TENM2: variants seen among roughly 807,000 people sequenced by gnomAD.
TENM2 encodes the protein teneurin-2.
A neutral mutation model predicts 245.2 loss-of-function variants in TENM2; 52 were observed. The ratio of observed to expected loss-of-function variants is 0.21; its 90% CI spans 0.17 to 0.27. TENM2 has a LOEUF of 0.27. Ranked by LOEUF, TENM2 falls within the 10% of genes least tolerant of loss-of-function variation. The pLI is 1.00. For synonymous variants in TENM2, 1,363 were observed against 1,438.9 expected, an observed-to-expected ratio of 0.95 and a Z score of 1.19; for missense variants, 3,046 against 3,666.8, an observed-to-expected ratio of 0.83 and a Z score of 4.37.
At position 167,876,264 on chromosome 5, in the gene TENM2, T is replaced by C. The variant is rs2151383753; in HGVS notation, c.712+69T>C. ...TGACATTCTTGATTCTCCACCAAAA[T>C]GACAATGCTGAAACAAGGGCTGGGG... On this transcript the variant is annotated intron_variant, in intron 3 of 28. Transcript: ENST00000518659. The C allele has an allele frequency of 2.3e-6, 3 of 1,314,278 alleles. No individual in the cohort carries two copies. The South Asian group carries it at 3.8e-5, about 17-fold the overall frequency. 81.4% of individuals were successfully genotyped at this position (1,314,278 alleles called of 1,614,324 possible). A position where few individuals can be genotyped will look rare whatever the true frequency, so the allele number is the denominator to read the frequency against.
At chr5:167,614,437 C>G (rs952188001) in intron 2 of TENM2, among the ~76,000 whole-genome samples, 1 of 152,048 alleles carries the variant, frequency 6.6e-6, no homozygotes, top group Non-Finnish European at 1.5e-5. Flanking sequence ...TAGTAATATA[C>G]GAAGACAGCC....
At chr5:166,983,833 T>C in the TENM2 span, among the ~76,000 whole-genome samples, 1 of 152,116 alleles carries the variant, frequency 6.6e-6, no homozygotes, top group African/African-American at 2.4e-5. Context: ...TGGATATTTG[T>C]TTAGATGACC....
At chr5:167,496,169 G>A (rs1768802847) in intron 2 of TENM2, among the ~76,000 whole-genome samples, 1 of 152,052 alleles carries the variant, frequency 6.6e-6, no homozygotes, top group African/African-American at 2.4e-5. Context: ...TAATTTGGAT[G>A]TGATTCATTT....
At chr5:167,268,716 A>G in the TENM2 span, among the ~76,000 whole-genome samples, 1 of 152,164 alleles carries the variant, frequency 6.6e-6, no homozygotes, top group Non-Finnish European at 1.5e-5. Context: ...TTTCTGTATT[A>G]TCTATTACTG....
chr5:167,590,866 T>G (rs1177687586), intron 2 of TENM2, among the ~76,000 whole-genome samples: 1 of 152,214 alleles, frequency 6.6e-6, no homozygotes, highest in Non-Finnish European at 1.5e-5. Context: ...ACCTATGTAT[T>G]TGCATACAAT....
At chr5:167,350,193 A>G (rs892324794) in intron 1 of TENM2, among the ~76,000 whole-genome samples, 4 of 152,098 alleles carry the variant, frequency 2.6e-5, no homozygotes, top group Non-Finnish European at 5.9e-5. Context: ...CCCTTGGGTC[A>G]CTTAATTTCC....
intron 2 of TENM2, among the ~76,000 whole-genome samples, chr5:167,786,867 T>C (rs1400302481): frequency 1.3e-5 from 2 of 152,208 alleles, no homozygotes; most frequent in South Asian, 4.1e-4. Context: ...TGGGAATTAA[T>C]ACAACTTTCT....
At chr5:167,336,639 A>G (rs1757772359) in intron 1 of TENM2, among the ~76,000 whole-genome samples, 1 of 152,076 alleles carries the variant, frequency 6.6e-6, no homozygotes, top group African/African-American at 2.4e-5. Context: ...AAATGCCAGC[A>G]TATCAAAACT....
chr5:167,570,459 A>T (rs1216061207), intron 2 of TENM2, among the ~76,000 whole-genome samples: 1 of 152,140 alleles, frequency 6.6e-6, no homozygotes, highest in Non-Finnish European at 1.5e-5. Context: ...GAAGTGTCAC[A>T]ATGAACAAGG....
chr5:167,415,168 G>T (rs10062352), intron 2 of TENM2, among the ~76,000 whole-genome samples: 2 of 151,926 alleles, frequency 1.3e-5, no homozygotes, highest in East Asian at 3.9e-4. Flanking sequence ...GCCACAGGAA[G>T]ATTTCTGTCT....
chr5:167,255,028 A>G, the TENM2 span, among the ~76,000 whole-genome samples: 367 of 151,600 alleles, frequency 2.4e-3, 1 homozygote, highest in African/African-American at 8.5e-3. Context: ...CATAAATGTG[A>G]TAAGAAACCA....
intron 2 of TENM2, among the ~76,000 whole-genome samples, chr5:167,443,862 A>G (rs1169276641): frequency 6.6e-6 from 1 of 152,142 alleles, no homozygotes; most frequent in Non-Finnish European, 1.5e-5. Flanking sequence ...AAAGACAGTT[A>G]AATTATGGTT....
At chr5:168,229,715 T>G (rs1764663833) in intron 25 of TENM2, 1 of 152,172 alleles carries the variant, frequency 6.6e-6, no homozygotes, top group East Asian at 1.9e-4. Flanking sequence ...CCAGGTGACC[T>G]CCCTGCAGAG....
At chr5:168,215,246 T>C (rs1426633326) in exon 21 of TENM2, 3 of 1,613,728 alleles carry the variant, frequency 1.9e-6, no homozygotes, top group Non-Finnish European at 2.5e-6. Flanking sequence ...GGGAAGGCCA[T>C]AGATGCAACC....
chr5:167,964,698 G>A (rs115168196), intron 4 of TENM2, among the ~76,000 whole-genome samples: 1 of 152,302 alleles, frequency 6.6e-6, no homozygotes, highest in African/African-American at 2.4e-5. Flanking sequence ...TTAAGGATGA[G>A]TAGGGGTTAA....
the TENM2 span, among the ~76,000 whole-genome samples, chr5:167,269,583 G>T: frequency 4.6e-5 from 7 of 151,920 alleles, no homozygotes; most frequent in Non-Finnish European, 1.0e-4. Flanking sequence ...AATGATGAAA[G>T]TGCATTGTAC....
chr5:167,978,298 T>C lies in TENM2; in HGVS notation c.948-14646T>C, dbSNP rs895858217. Among the ~76,000 whole-genome samples the C allele has an allele frequency of 5.3e-5, 8 of 152,184 alleles. No homozygotes were observed. The East Asian group carries it at 1.3e-3, about 26-fold the overall frequency. ...CCCCCAAAGCTTTCAAAGCAGGTGC[T>C]CAGACAGACATTTTCACACCAGTGT... On this transcript the variant is annotated intron_variant, in intron 4 of 28. Transcript: ENST00000518659.
At chr5:167,771,121 A>G (rs1763375539) in intron 2 of TENM2, among the ~76,000 whole-genome samples, 1 of 152,114 alleles carries the variant, frequency 6.6e-6, no homozygotes, top group Non-Finnish European at 1.5e-5. Flanking sequence ...TTATAAGGCT[A>G]CTTCAATCGG....
chr5:167,375,116 G>T, intron 1 of TENM2, 82 bp from the exon 4 acceptor site: 2 of 1,423,496 alleles, frequency 1.4e-6, no homozygotes, highest in Non-Finnish European at 1.9e-6. Context: ...GGGAAAAGTG[G>T]CTGCTTTTTT....
Sources: gnomAD v4.1 joint callset for allele counts (sites outside exome capture counted in the v4.1 genomes callset) on GRCh38, gnomAD v4.1.1 for gene constraint, MANE v1.5 for transcripts, NCBI Gene and HGNC (gene_info 2026-07-23, HGNC 2026-07-21) for gene names.